Variants in NAV1 observed in about 807,000 individuals in gnomAD.
NAV1 encodes the protein pore membrane and/or filament interacting like protein 3.
NAV1 carries 18 observed loss-of-function variants against 175.2 expected under a neutral mutation model. The observed-to-expected ratio is 0.10, with a 90% CI of 0.07 to 0.15. The LOEUF is 0.15. NAV1 is among the 10% of genes least tolerant of loss of function. NAV1 has a pLI of 1.00. For missense variants in NAV1, 1,731 were observed against 2,436.6 expected, an observed-to-expected ratio of 0.71 and a Z score of 6.10; for synonymous variants, 897 against 978.7, an observed-to-expected ratio of 0.92 and a Z score of 1.56.
At chr1:201,756,329 G>A (rs757900358) in intron 3 of NAV1, among the ~76,000 whole-genome samples, 1 of 152,060 alleles carries the variant, frequency 6.6e-6, no homozygotes, top group African/African-American at 2.4e-5. Context: ...AGTCTGTAGC[G>A]CTATAATCAT....
intron 1 of NAV1, among the ~76,000 whole-genome samples, chr1:201,553,292 G>A (rs1033961798): frequency 6.6e-5 from 10 of 152,232 alleles, no homozygotes; most frequent in Non-Finnish European, 1.5e-4. Context: ...GTGCTCAGTG[G>A]CCCATGGGCC....
chr1:201,815,926 C>T (rs2102830646), intron 28 of NAV1, among the ~76,000 whole-genome samples: 1 of 152,124 alleles, frequency 6.6e-6, no homozygotes, highest in East Asian at 2.0e-4. Flanking sequence ...TTAGTAGAGA[C>T]AGGGTTTCTC....
At chr1:201,616,908 A>C (rs1668019222) in intron 2 of NAV1, among the ~76,000 whole-genome samples, 1 of 152,174 alleles carries the variant, frequency 6.6e-6, no homozygotes, top group South Asian at 2.1e-4. Flanking sequence ...AGCCATTGCA[A>C]TTGCCACAGC....
At chr1:201,761,690 A>G (rs890457464) in intron 3 of NAV1, among the ~76,000 whole-genome samples, 1 of 152,184 alleles carries the variant, frequency 6.6e-6, no homozygotes, top group African/African-American at 2.4e-5. Context: ...CTTCTGACCA[A>G]AAATGGTTTT....
intron 1 of NAV1, among the ~76,000 whole-genome samples, chr1:201,674,884 C>T (rs912136581): frequency 6.6e-6 from 1 of 151,942 alleles, no homozygotes; most frequent in Non-Finnish European, 1.5e-5. Context: ...TAAAAATACA[C>T]ACACACATAG....
At chr1:201,751,323 C>T (rs890836190) in intron 3 of NAV1, among the ~76,000 whole-genome samples, 2 of 152,172 alleles carry the variant, frequency 1.3e-5, no homozygotes, top group South Asian at 2.1e-4. Context: ...GGTTGGAGCA[C>T]ATTTTTAGCA....
At chr1:201,564,471 T>C (rs935799859) in intron 1 of NAV1, among the ~76,000 whole-genome samples, 2 of 152,090 alleles carry the variant, frequency 1.3e-5, no homozygotes, top group African/African-American at 4.8e-5. Context: ...AAAAATTAGC[T>C]GGGTGTGGTG....
intron 3 of NAV1, among the ~76,000 whole-genome samples, chr1:201,741,334 CT>C (rs1184618180): frequency 1.3e-5 from 2 of 152,176 alleles, no homozygotes; most frequent in African/African-American, 4.8e-5. Context: ...TGAAGCCCCC[CT>C]GGAATGTGAC....
At chr1:201,701,029 AAAAG>A (rs1558078872) in intron 1 of NAV1, among the ~76,000 whole-genome samples, 3 of 148,538 alleles carry the variant, frequency 2.0e-5, no homozygotes, top group Non-Finnish European at 4.5e-5. Flanking sequence ...AAAAAAAAAA[AAAAG>A]AAAGAAAAGA....
intron 2 of NAV1, among the ~76,000 whole-genome samples, chr1:201,613,304 C>G (rs1299682447): frequency 1.3e-5 from 2 of 152,140 alleles, no homozygotes; most frequent in African/African-American, 4.8e-5. Context: ...CCCGCCTCCC[C>G]CCCGCCACCA....
At chr1:201,608,434 G>A (rs553702336) in intron 2 of NAV1, among the ~76,000 whole-genome samples, 3 of 152,258 alleles carry the variant, frequency 2.0e-5, no homozygotes, top group East Asian at 3.9e-4. Context: ...GGGCAGCCTC[G>A]GTCTAACCTC....
chr1:201,737,039 G>T (rs1194397271), intron 3 of NAV1, among the ~76,000 whole-genome samples: 1 of 151,498 alleles, frequency 6.6e-6, no homozygotes, highest in Admixed American at 6.6e-5. Flanking sequence ...CTTCCACTCT[G>T]CCACACCCTC....
At chr1:201,556,275 G>A (rs989963564) in intron 1 of NAV1, among the ~76,000 whole-genome samples, 2 of 152,038 alleles carry the variant, frequency 1.3e-5, no homozygotes, top group Non-Finnish European at 2.9e-5. Context: ...AAAATTAGTC[G>A]GGCATGGTGG....
chr1:201,667,780 A>G (rs1334343126), intron 1 of NAV1, among the ~76,000 whole-genome samples: 1 of 152,210 alleles, frequency 6.6e-6, no homozygotes, highest in African/African-American at 2.4e-5. Flanking sequence ...TTCCTCCCAC[A>G]TACAGAGACT....
intron 1 of NAV1, among the ~76,000 whole-genome samples, chr1:201,691,688 G>T (rs941583439): frequency 2.6e-5 from 4 of 152,204 alleles, no homozygotes; most frequent in African/African-American, 9.7e-5. Flanking sequence ...CCCTGGCTTA[G>T]GACGCCGTGG....
At chr1:201,809,558 A>C in intron 22 of NAV1, 21 bp downstream of exon 26, 1 of 1,605,728 alleles carries the variant, frequency 6.2e-7, no homozygotes, top group African/African-American at 1.3e-5. Flanking sequence ...ACCTGTACTC[A>C]AAAAGGTTGT....
intron 1 of NAV1, among the ~76,000 whole-genome samples, chr1:201,673,630 GC>G (rs933603499): frequency 3.3e-5 from 5 of 152,174 alleles, no homozygotes; most frequent in Non-Finnish European, 7.3e-5. Context: ...CCCTCAGAGA[GC>G]CCCCATTCTG....
intron 11 of NAV1, among the ~76,000 whole-genome samples, chr1:201,790,126 G>T (rs920061170): frequency 1.3e-5 from 2 of 152,158 alleles, no homozygotes; most frequent in African/African-American, 4.8e-5. Context: ...GAGATGAATA[G>T]ATTTCTAGGA....
At chr1:201,643,402 C>T (rs575373378), upstream of NAV1, among the ~76,000 whole-genome samples, 22 of 127,956 alleles carry the variant, frequency 1.7e-4, no homozygotes, top group South Asian at 3.1e-3. Context: ...TCTCCTCTCC[C>T]TTCCCTTCCC....
Sources: gnomAD v4.1 joint callset for allele counts (sites outside exome capture counted in the v4.1 genomes callset) on GRCh38, gnomAD v4.1.1 for gene constraint, MANE v1.5 for transcripts, NCBI Gene and HGNC (gene_info 2026-07-23, HGNC 2026-07-21) for gene names.